Variants in PPP1R9A observed in about 807,000 individuals in gnomAD.
The protein encoded by PPP1R9A is protein phosphatase 1 regulatory subunit 9A.
In PPP1R9A, 59 loss-of-function variants were observed where a neutral mutation model predicts 141.9. That is an observed-to-expected ratio of 0.42 (90% CI 0.34 to 0.52). PPP1R9A has a LOEUF of 0.52. PPP1R9A is among the 20% of genes least tolerant of loss of function. The pLI is 0.10. For synonymous variants in PPP1R9A, 500 were observed against 569.7 expected (o/e 0.88, Z 1.74); for missense variants, 1,444 against 1,611.9 (o/e 0.90, Z 1.78).
At chr7:95,098,104 G>A (rs1818276927) in intron 2 of PPP1R9A, 1 of 152,166 alleles carries the variant, frequency 6.6e-6, no homozygotes. Context: ...CTTACTTAAA[G>A]TCAACTGATT....
intron 2 of PPP1R9A, among the ~76,000 whole-genome samples, chr7:94,935,286 C>T (rs78799885): frequency 0.014 from 2,057 of 152,132 alleles, 53 homozygotes; most frequent in African/African-American, 0.048. Flanking sequence ...TTTTCATAAC[C>T]CTTCATATAG....
Position 95,226,057 on chromosome 7 carries a change from G to A in PPP1R9A, c.2053G>A (p.Glu685Lys), listed in dbSNP as rs1032144563. The A allele has an allele frequency of 6.2e-7, 1 of 1,613,640 alleles. No homozygotes were observed. Among genetic ancestry groups the A allele is most frequent in the East Asian group, 2.2e-5 (1 of 44,862 alleles). The change falls in exon 8 of 20, where the codon GAG becomes AAG. Residue 685 changes from glutamate (E) to lysine (K), a missense_variant. Glu to Lys is a moderately conservative substitution (Grantham distance 56). Coordinates refer to ENST00000433360, the MANE Select transcript of PPP1R9A (RefSeq NM_001166160.2). ...AIEVFELPENEDMFSPSELDT... is the reference protein window; with the variant it reads ...AIEVFELPENKDMFSPSELDT... Reference sequence around the variant, plus strand: ...TGAAGTCTTTGAGCTGCCTGAGAATGAGGACATGTTTTCCCCATCAGAACT... The same window carrying A: ...TGAAGTCTTTGAGCTGCCTGAGAATAAGGACATGTTTTCCCCATCAGAACT...
intron 2 of PPP1R9A, among the ~76,000 whole-genome samples, chr7:94,993,941 T>C (rs912743700): frequency 6.6e-6 from 1 of 152,200 alleles, no homozygotes; most frequent in African/African-American, 2.4e-5. Flanking sequence ...TTCCTGATTG[T>C]AGGGATGTAG....
chr7:95,247,739 A>T (rs1421822477), intron 9 of PPP1R9A, among the ~76,000 whole-genome samples: 1 of 152,120 alleles, frequency 6.6e-6, no homozygotes, highest in East Asian at 1.9e-4. Context: ...TTTTAGATAT[A>T]TATATTTATG....
chr7:95,209,636 A>G (rs1471531519), intron 7 of PPP1R9A, among the ~76,000 whole-genome samples: 1 of 152,188 alleles, frequency 6.6e-6, no homozygotes, highest in Non-Finnish European at 1.5e-5. Flanking sequence ...TCATTAATCT[A>G]TGTAATACCA....
In PPP1R9A at chr7:95,268,668, T is replaced by C. The variant is rs1801676319; in HGVS notation, c.2784T>C (p.Ser928=). 5.0e-6 allele frequency: 8 copies of C among 1,613,320 alleles called. No homozygotes were observed. In the East Asian group the frequency reaches 1.6e-4, roughly 31 times the overall value. ...CCTCTAGGACAAGACTGTATGATAG[T>C]GTTAGTTCCACAGATGGGGAGGACA... ...QRPSRTRLYD[S]VSSTDGEDSL... The change falls in exon 13 of 20, where the codon AGT becomes AGC. Residue 928 remains serine, a synonymous_variant. Coordinates refer to ENST00000433360, the MANE Select transcript of PPP1R9A (RefSeq NM_001166160.2).
chr7:95,157,127 T>A (rs1177157072), intron 4 of PPP1R9A, among the ~76,000 whole-genome samples: 1 of 152,162 alleles, frequency 6.6e-6, no homozygotes, highest in East Asian at 1.9e-4. Flanking sequence ...CCCCCTGCTG[T>A]TCATGGCACA....
chr7:95,206,407 G>T (rs1041040280), intron 7 of PPP1R9A, among the ~76,000 whole-genome samples: 1 of 152,020 alleles, frequency 6.6e-6, no homozygotes, highest in Non-Finnish European at 1.5e-5. Context: ...AGATCTTAAA[G>T]ATATAATTTT....
At chr7:94,933,674 A>C (rs1458082677) in intron 2 of PPP1R9A, among the ~76,000 whole-genome samples, 2 of 152,214 alleles carry the variant, frequency 1.3e-5, no homozygotes, top group African/African-American at 4.8e-5. Flanking sequence ...ACCAGGCACC[A>C]AGTAAAGGGC....
chr7:95,111,053 G>T (rs547400736), intron 2 of PPP1R9A, among the ~76,000 whole-genome samples: 4 of 152,116 alleles, frequency 2.6e-5, no homozygotes, highest in Non-Finnish European at 5.9e-5. Flanking sequence ...ATTAAAAGTG[G>T]TACTATCGCT....
At chr7:95,070,955 TA>T (rs34316412) in intron 2 of PPP1R9A, among the ~76,000 whole-genome samples, 1,723 of 151,950 alleles carry the variant, frequency 0.011, 13 homozygotes, top group Non-Finnish European at 0.019. Context: ...GTTAATTGGC[TA>T]AAAAAATTGA....
chr7:95,124,972 A>G (rs1457002755), intron 4 of PPP1R9A, among the ~76,000 whole-genome samples: 1 of 152,146 alleles, frequency 6.6e-6, no homozygotes, highest in Non-Finnish European at 1.5e-5. Flanking sequence ...TTTATCCAGT[A>G]TAGTTAAATA....
At chr7:95,133,936 A>C (rs1825147701) in intron 4 of PPP1R9A, among the ~76,000 whole-genome samples, 1 of 152,120 alleles carries the variant, frequency 6.6e-6, no homozygotes, top group African/African-American at 2.4e-5. Context: ...CTCCTGCCTC[A>C]GCCTCCCAAA....
intron 7 of PPP1R9A, among the ~76,000 whole-genome samples, chr7:95,223,504 G>A (rs1794731046): frequency 6.6e-6 from 1 of 151,942 alleles, no homozygotes; most frequent in Non-Finnish European, 1.5e-5. Context: ...CCAAGTTAAT[G>A]CGTTGGCATT....
intron 2 of PPP1R9A, among the ~76,000 whole-genome samples, chr7:95,013,761 A>C (rs1356774534): frequency 6.6e-6 from 1 of 152,168 alleles, no homozygotes; most frequent in Non-Finnish European, 1.5e-5. Context: ...TTTAAAAGGT[A>C]GAAGTGATTT....
At chr7:95,103,832 C>T (rs1179434751) in intron 2 of PPP1R9A, among the ~76,000 whole-genome samples, 1 of 152,138 alleles carries the variant, frequency 6.6e-6, no homozygotes, top group African/African-American at 2.4e-5. Flanking sequence ...CCCTTTTCTG[C>T]CTTACTCCCT....
intron 8 of PPP1R9A, among the ~76,000 whole-genome samples, chr7:95,229,519 G>T (rs1041561421): frequency 6.6e-6 from 1 of 151,816 alleles, no homozygotes; most frequent in Non-Finnish European, 1.5e-5. Context: ...CCCTGGTGGC[G>T]TATATGACTC....
intron 7 of PPP1R9A, among the ~76,000 whole-genome samples, chr7:95,224,478 T>C (rs1295935138): frequency 6.6e-6 from 1 of 152,136 alleles, no homozygotes; most frequent in African/African-American, 2.4e-5. Flanking sequence ...TCAAATTCCT[T>C]ACTAGAAACT....
At chr7:95,202,296 C>A (rs1332907529) in intron 6 of PPP1R9A, among the ~76,000 whole-genome samples, 2 of 151,658 alleles carry the variant, frequency 1.3e-5, no homozygotes, top group East Asian at 3.9e-4. Context: ...AAGCAAACAG[C>A]CAATTTTATT....
Sources: allele counts gnomAD v4.1 joint callset (sites outside exome capture counted in the v4.1 genomes callset), GRCh38; gene constraint gnomAD v4.1.1; transcripts MANE v1.5; gene names NCBI Gene and HGNC (gene_info 2026-07-23, HGNC 2026-07-21).